Variants in MYO3A observed in about 807,000 individuals in gnomAD.
MYO3A encodes myosin IIIA.
A neutral mutation model predicts 192.7 loss-of-function variants in MYO3A; 180 were observed. The ratio of observed to expected loss-of-function variants is 0.93; its 90% CI spans 0.83 to 1.06. The LOEUF is 1.06. Ranked by LOEUF, MYO3A falls within the 50% of genes least tolerant of loss-of-function variation. MYO3A has a pLI of 0.00. For missense variants in MYO3A, 1,896 were observed against 1,905.0 expected, an observed-to-expected ratio of 1.00 and a Z score of 0.09; for synonymous variants, 628 against 645.3, an observed-to-expected ratio of 0.97 and a Z score of 0.41.
At chr10:25,993,573 C>G (rs1226055251) in intron 4 of MYO3A, among the ~76,000 whole-genome samples, 1 of 152,124 alleles carries the variant, frequency 6.6e-6, no homozygotes, top group Non-Finnish European at 1.5e-5. Context: ...TGTGTTTGCT[C>G]TTGCTTCTCT....
At chr10:25,935,718 C>T (rs1836017364) in intron 1 of MYO3A, 26 bp from the exon 2 acceptor site, 1 of 152,180 alleles carries the variant, frequency 6.6e-6, no homozygotes, top group Admixed American at 6.5e-5. Context: ...CCCATAAAGC[C>T]ATGATCTTTT....
At chr10:26,186,808 G>A (rs1440753831) in intron 31 of MYO3A, among the ~76,000 whole-genome samples, 1 of 152,052 alleles carries the variant, frequency 6.6e-6, no homozygotes, top group Non-Finnish European at 1.5e-5. Context: ...TATCTGTGTT[G>A]TAAATATAGC....
rs1564398923 is a variant in MYO3A at position 25,952,226 on chromosome 10, T to G, written c.116T>G (p.Leu39Trp). 6.2e-7 allele frequency: 1 copy of G among 1,612,876 alleles called. No individual in the cohort carries two copies. The highest frequency in any genetic ancestry group is 8.5e-7 in the Non-Finnish European group (1 of 1,179,264). The change falls in exon 3 of 35, where the codon TTG (leucine) becomes TGG (tryptophan). Residue 39 changes from leucine to tryptophan, a missense_variant. By Grantham distance (61) the Leu-to-Trp change is moderately conservative. Coordinates refer to ENST00000642920, the MANE Select transcript of MYO3A (RefSeq NM_017433.5). ...ACTTATGGGAAAGTTTTTAAAGTAT[T>G]GAATAAGAAAAATGGCCAAAAAGCA... is the stretch of plus-strand genomic sequence containing the variant. Reference protein sequence around the residue: ...KGTYGKVFKVLNKKNGQKAAV... With the variant: ...KGTYGKVFKVWNKKNGQKAAV...
rs909524680 is a variant in MYO3A, at chr10:26,157,430, C to A, written c.2914C>A (p.Leu972Ile). 4 of 1,614,022 alleles carry A rather than the reference C, an allele frequency of 2.5e-6. No homozygotes were observed. In the African/African-American group the frequency reaches 5.3e-5, roughly 22 times the overall value. ...KYDKEKVLLQ[L>I]RYTGILETAR... ...TGACAAAGAGAAAGTTCTGCTACAG[C>A]TTCGGTACACAGGAATTCTGGAAAC... The change falls in exon 26 of 35, where the codon CTT becomes ATT. Residue 972 changes from leucine to isoleucine, a missense_variant. Coordinates refer to ENST00000642920, the MANE Select transcript of MYO3A (RefSeq NM_017433.5).
chr10:26,150,454 C>T (rs1457130727), intron 23 of MYO3A, among the ~76,000 whole-genome samples: 1 of 152,098 alleles, frequency 6.6e-6, no homozygotes, highest in African/African-American at 2.4e-5. Flanking sequence ...GCCAACTGGG[C>T]CTGAAGGATG....
chr10:26,038,061 T>C (rs1357597927), intron 10 of MYO3A, among the ~76,000 whole-genome samples: 2 of 152,240 alleles, frequency 1.3e-5, no homozygotes, highest in Non-Finnish European at 2.9e-5. Flanking sequence ...TTGGTCCATG[T>C]GTCTGTTTTT....
In MYO3A at chr10:26,096,463, G is replaced by A. The variant is rs968822388; in HGVS notation, c.1645G>A (p.Glu549Lys). 6.2e-7 allele frequency: 1 copy of A among 1,613,568 alleles called. No individual in the cohort carries two copies. Among genetic ancestry groups the A allele is most frequent in the Non-Finnish European group, 8.5e-7 (1 of 1,179,638 alleles). ...KKKLAHYKLP[E>K]NKPPRYLQND... ...GAAACTAGCCCATTACAAACTGCCT[G>A]AAAATAAGCCTCCCAGGTAATCTAC... The change falls in exon 16 of 35, where the codon GAA becomes AAA. Residue 549 changes from glutamate (E) to lysine (K), a missense_variant. Glu to Lys is a moderately conservative substitution (Grantham distance 56). Coordinates refer to ENST00000642920, the MANE Select transcript of MYO3A (RefSeq NM_017433.5).
intron 20 of MYO3A, among the ~76,000 whole-genome samples, chr10:26,142,506 A>G (rs17752077): frequency 0.14 from 21,752 of 152,206 alleles, 1,759 homozygotes; most frequent in East Asian, 0.31. Flanking sequence ...CATTGTTTCT[A>G]TTTTACACAT....
intron 25 of MYO3A, among the ~76,000 whole-genome samples, chr10:26,156,326 G>A (rs900852723): frequency 2.6e-5 from 4 of 152,080 alleles, no homozygotes; most frequent in South Asian, 2.1e-4. Flanking sequence ...AACACTAAAC[G>A]GGATCCAGCC....
rs59621862 is a variant in MYO3A, at chr10:26,043,149, G to GTCTCTCTCTCTCTCTCTCTC, written c.953+16635_953+16654dup. Reference sequence around the variant, plus strand: ...CTTCCTGTACTTTCTGCCAAACAGAGTCTCTCTCTCTCTCTCTCTCTCTCT... The same window carrying GTCTCTCTCTCTCTCTCTCTC: ...CTTCCTGTACTTTCTGCCAAACAGAGTCTCTCTCTCTCTCTCTCTCTCTCTCTCTCTCTCTCTCTCTCTCT... On this transcript the variant is annotated intron_variant, in intron 10 of 34. Transcript: ENST00000642920. 6.7e-4 allele frequency among the ~76,000 whole-genome samples: 96 copies of GTCTCTCTCTCTCTCTCTCTC among 143,378 alleles called. 1 individual carries two copies. Among genetic ancestry groups the GTCTCTCTCTCTCTCTCTCTC allele is most frequent in the African/African-American group, 2.0e-3 (77 of 38,018 alleles). The allele number at this position is 143,378 out of a possible 152,430, so 94.1% of individuals were successfully genotyped here. A position where few individuals can be genotyped will look rare whatever the true frequency, so the allele number is the denominator to read the frequency against.
chr10:25,947,568 T>A (rs145205586), intron 2 of MYO3A, among the ~76,000 whole-genome samples: 3,398 of 152,004 alleles, frequency 0.022, 155 homozygotes, highest in African/African-American at 0.078. Context: ...TAATTTTGTA[T>A]TTTTAGTAGA....
chr10:25,990,448 G>C (rs1014383119), intron 4 of MYO3A, among the ~76,000 whole-genome samples: 8 of 151,570 alleles, frequency 5.3e-5, no homozygotes, highest in Non-Finnish European at 1.2e-4. Context: ...TAAAATTTGA[G>C]AATAATTTGT....
chr10:26,043,626 G>A (rs183743849), intron 10 of MYO3A, among the ~76,000 whole-genome samples: 191 of 152,206 alleles, frequency 1.3e-3, no homozygotes, highest in Admixed American at 4.8e-3. Context: ...GTACTGCCAC[G>A]CTACCAGCAA....
chr10:25,943,768 T>TTG (rs58905708), intron 2 of MYO3A, among the ~76,000 whole-genome samples: 12,063 of 142,580 alleles, frequency 0.085, 1,214 homozygotes, highest in African/African-American at 0.25. Flanking sequence ...GTTCTAACAT[T>TTG]TGTGTGTGTG....
At chr10:25,994,304 A>C (rs1451256868) in intron 4 of MYO3A, among the ~76,000 whole-genome samples, 1 of 152,026 alleles carries the variant, frequency 6.6e-6, no homozygotes, top group Non-Finnish European at 1.5e-5. Context: ...TGTTGGTTTA[A>C]AGTCTGTTTT....
intron 4 of MYO3A, among the ~76,000 whole-genome samples, chr10:25,986,430 A>G (rs963952712): frequency 2.0e-5 from 3 of 152,322 alleles, no homozygotes; most frequent in South Asian, 4.1e-4. Context: ...CTCTTTGCTG[A>G]TGATATGATC....
chr10:26,205,618 T>C (rs1212384206), intron 34 of MYO3A, among the ~76,000 whole-genome samples: 6 of 127,640 alleles, frequency 4.7e-5, no homozygotes, highest in African/African-American at 1.8e-4. Context: ...CTTTTTTTTT[T>C]TTTTTTTTTT....
intron 4 of MYO3A, among the ~76,000 whole-genome samples, chr10:25,974,041 C>T (rs1183905396): frequency 6.6e-6 from 1 of 152,164 alleles, no homozygotes; most frequent in African/African-American, 2.4e-5. Context: ...GCACAGATTT[C>T]ATGATGAAAA....
At chr10:25,992,035 T>G (rs530766059) in intron 4 of MYO3A, among the ~76,000 whole-genome samples, 75 of 152,290 alleles carry the variant, frequency 4.9e-4, no homozygotes, top group African/African-American at 1.8e-3. Flanking sequence ...AAATAGTTTT[T>G]TCCAATTCTG....
Sources: gnomAD v4.1 joint callset for allele counts (sites outside exome capture counted in the v4.1 genomes callset) on GRCh38, gnomAD v4.1.1 for gene constraint, MANE v1.5 for transcripts, NCBI Gene and HGNC (gene_info 2026-07-23, HGNC 2026-07-21) for gene names.